The following PRDM10 variants were observed in gnomAD, a reference collection of about 807,000 sequenced individuals.
PRDM10 encodes the protein PR domain zinc finger protein 10.
PRDM10 carries 65 observed loss-of-function variants against 133.1 expected under a neutral mutation model. That is an observed-to-expected ratio of 0.49 (90% CI 0.40 to 0.60). The LOEUF is 0.60. Among genes scored for constraint, PRDM10 ranks in the 20% least tolerant of loss-of-function variants. The pLI is 0.00. For missense variants in PRDM10, 1,137 were observed against 1,507.1 expected (o/e 0.75, Z 4.07); for synonymous variants, 582 against 580.4 (o/e 1.00, Z -0.04).
At chr11:129,920,534 G>A (rs1043019494) in intron 13 of PRDM10, among the ~76,000 whole-genome samples, 2 of 152,042 alleles carry the variant, frequency 1.3e-5, no homozygotes, top group African/African-American at 2.4e-5. Flanking sequence ...TGAAACGCTG[G>A]TAAGTCTAAT....
chr11:129,928,571 T>C (rs1950756340), intron 11 of PRDM10, among the ~76,000 whole-genome samples: 1 of 152,018 alleles, frequency 6.6e-6, no homozygotes, highest in Admixed American at 6.6e-5. Context: ...TTGTATTTTT[T>C]TTTAGTAGAG....
At chr11:129,928,098 AGTTTAGGGGGTTT>A (rs1565468647) in intron 11 of PRDM10, among the ~76,000 whole-genome samples, 1 of 152,126 alleles carries the variant, frequency 6.6e-6, no homozygotes, top group East Asian at 1.9e-4. Context: ...ATGTTTCTAA[AGTTTAGGGGGTTT>A]GTTTGTTTTT....
intron 11 of PRDM10, 47 bp from the exon 12 acceptor site, chr11:129,925,276 T>G (rs1157894870): frequency 1.3e-6 from 2 of 1,501,422 alleles, no homozygotes; most frequent in South Asian, 1.3e-5. Flanking sequence ...AAATTAAGAG[T>G]GCAACTGGAT....
intron 8 of PRDM10, among the ~76,000 whole-genome samples, chr11:129,936,104 C>T (rs1951020260): frequency 6.6e-6 from 1 of 152,076 alleles, no homozygotes; most frequent in South Asian, 2.1e-4. Flanking sequence ...TCAGTCATGC[C>T]TACGTAATGA....
Position 129,957,762 on chromosome 11 carries a change from G to A in PRDM10, c.218C>T (p.Pro73Leu), listed in dbSNP as rs1322710257. The A allele has an allele frequency of 5.0e-6, 8 of 1,612,102 alleles. No individual in the cohort carries two copies. The highest frequency in any genetic ancestry group is 5.9e-6 in the Non-Finnish European group (7 of 1,178,756). Reference protein sequence around the residue: ...GPEHTLVYIHPVEAAQTLFTD... With the variant: ...GPEHTLVYIHLVEAAQTLFTD... ...TTCACATGCCTGTGCAGCTTCCACCGGGTGGATGTACACCAGCGTGTGCTC... is the reference window on the plus strand; with the variant it reads ...TTCACATGCCTGTGCAGCTTCCACCAGGTGGATGTACACCAGCGTGTGCTC... The change falls in exon 3 of 21, where the codon CCG becomes CTG. Residue 73 changes from proline to leucine, a missense_variant. Pro to Leu is a moderately conservative substitution (Grantham distance 98). Transcript: ENST00000360871.
Position 129,932,251 on chromosome 11 carries a change from T to C in PRDM10, c.1158-20A>G. The C allele has an allele frequency of 6.2e-7, 1 of 1,612,502 alleles. No individual in the cohort carries two copies. The highest frequency in any genetic ancestry group is 1.3e-5 in the African/African-American group (1 of 74,998). ...CTTGTTCTGGGGACAAGAGATTGGG[T>C]TACAGGTCGTCATGGTTACATAATA... On this transcript the variant is annotated intron_variant, in intron 9 of 20. Transcript: ENST00000360871.
At chr11:129,955,382 G>A in intron 4 of PRDM10, 130 bp downstream of exon 4, 1 of 762,694 alleles carries the variant, frequency 1.3e-6, no homozygotes, top group Non-Finnish European at 2.1e-6. Flanking sequence ...TTTCATTAAA[G>A]GAGCTGGAGA....
At chr11:129,964,351 A>G (rs1466591797) in intron 1 of PRDM10, among the ~76,000 whole-genome samples, 1 of 152,224 alleles carries the variant, frequency 6.6e-6, no homozygotes, top group African/African-American at 2.4e-5. Context: ...TAGTAAATGC[A>G]GCTGGCTCAA....
intron 18 of PRDM10, among the ~76,000 whole-genome samples, chr11:129,911,003 C>T (rs1343097588): frequency 6.6e-6 from 1 of 152,004 alleles, no homozygotes; most frequent in Non-Finnish European, 1.5e-5. Context: ...CTCGAACTCC[C>T]GACCTCAGGT....
In PRDM10 at chr11:129,915,139, A is replaced by G. The variant is rs1950316449; in HGVS notation, c.2527-121T>C. 3 of 982,526 alleles carry G rather than the reference A, an allele frequency of 3.1e-6. No homozygotes were observed. In the South Asian group the frequency reaches 5.3e-5, roughly 17 times the overall value. The allele number at this position is 982,526 out of a possible 1,614,324, so 60.9% of individuals were successfully genotyped here. On this transcript the variant is annotated intron_variant, in intron 16 of 20. Transcript: ENST00000360871. ...TATGTCTTAAAAAAAGAAAAATCAG[A>G]GCAACACTGACTCTATGCCTGTACT...
Position 129,905,680 on chromosome 11 carries a change from C to A in PRDM10, c.3225G>T (p.Val1075=), listed in dbSNP as rs760638710. ...PGQFVITDSG[V]ATPVTTGQVK... Reference sequence around the variant, plus strand: ...CCTGGCCAGTAGTAACTGGAGTTGCCACACCACTGTCTGTAATCACAAACT... The same window carrying A: ...CCTGGCCAGTAGTAACTGGAGTTGCAACACCACTGTCTGTAATCACAAACT... The change falls in exon 20 of 21, where the codon GTG becomes GTT. Residue 1075 remains valine, a synonymous_variant. Transcript: ENST00000360871. The A allele has an allele frequency of 6.2e-7, 1 of 1,614,170 alleles. No homozygotes were observed. The highest frequency in any genetic ancestry group is 8.5e-7 in the Non-Finnish European group (1 of 1,180,012).
At position 129,902,266 on chromosome 11, in the gene PRDM10, G is replaced by A. The variant is rs570578591; in HGVS notation, c.*47C>T. ...TACGTGTCAGAGCTTTCAGACTTAT[G>A]AGAACAGACATGAGGTGGGTGCTGG... is the stretch of plus-strand genomic sequence containing the variant. On this transcript the variant is annotated 3_prime_UTR_variant, in exon 21 of 21. Coordinates refer to ENST00000360871, the MANE Select transcript of PRDM10 (RefSeq NM_199437.2). 6.3e-7 allele frequency: 1 copy of A among 1,589,374 alleles called. No individual in the cohort carries two copies. Among genetic ancestry groups the A allele is most frequent in the African/African-American group, 1.3e-5 (1 of 74,300 alleles).
rs774496086 is a variant in PRDM10, at chr11:129,960,915, T to C, written c.50A>G (p.His17Arg). Residue 17 changes from histidine (H) to arginine (R), a missense_variant, in exon 2 of 21, where the codon CAT becomes CGT. Transcript: ENST00000360871. ...CTTCACCTGTGCGGCATTCTGTTCA[T>C]GCTCTGCAGATGTCGGCCACACATG... ...SSHVWPTSAE[H>R]EQNAAQVHFV... 1.9e-6 allele frequency: 3 copies of C among 1,614,202 alleles called. No individual in the cohort carries two copies. The highest frequency in any genetic ancestry group is 2.5e-6 in the Non-Finnish European group (3 of 1,180,036).
At position 129,918,970 on chromosome 11, in the gene PRDM10, T is replaced by C. The variant is rs1426911608; in HGVS notation, c.2035-252A>G. The stretch of plus-strand genomic sequence containing the variant: ...AATAGGAAAGATACATACCGACTTT[T>C]GAGAATAAAGACTGTGCATTTATGT... On this transcript the variant is annotated intron_variant, in intron 13 of 20. Transcript: ENST00000360871. This position sits in a 1 kb window ranked among gnomAD's most constrained non-coding sequence, Gnocchi z 5.3. 6.6e-6 allele frequency among the ~76,000 whole-genome samples: 1 copy of C among 152,192 alleles called. No individual in the cohort carries two copies. Among genetic ancestry groups the C allele is most frequent in the African/African-American group, 2.4e-5 (1 of 41,434 alleles).
rs542046879 is a variant in PRDM10 at position 129,947,553 on chromosome 11, G to T, written c.295-183C>A. Reference sequence around the variant, plus strand: ...GTGAGGAAGAGCTGGCTTCATTTTTGATCTGACTGCTCACAGCCTTTAAGC... The same window carrying T: ...GTGAGGAAGAGCTGGCTTCATTTTTTATCTGACTGCTCACAGCCTTTAAGC... On this transcript the variant is annotated intron_variant, in intron 4 of 20. Transcript: ENST00000360871. This position sits in a 1 kb window ranked among gnomAD's most constrained non-coding sequence, Gnocchi z 4.6. The T allele has an allele frequency of 6.2e-6, 9 of 1,458,338 alleles. No homozygotes were observed. The highest frequency in any genetic ancestry group is 2.4e-5 in the East Asian group (1 of 41,532). 90.3% of individuals were successfully genotyped at this position (1,458,338 alleles called of 1,614,324 possible). A position where few individuals can be genotyped will look rare whatever the true frequency, so the allele number is the denominator to read the frequency against.
chr11:129,925,183 A>T lies in PRDM10; in HGVS notation c.1577T>A (p.Phe526Tyr). Residue 526 changes from phenylalanine to tyrosine, a missense_variant, in exon 12 of 21, where the codon TTT (phenylalanine) becomes TAT (tyrosine). Physicochemically the swap from Phe to Tyr is conservative, Grantham distance 22. Coordinates refer to ENST00000360871, the MANE Select transcript of PRDM10 (RefSeq NM_199437.2). The part of the protein sequence containing the change: ...HLFIRKSFRP[F>Y]KCLQCGKAFR... ...GGCCTTCCCACACTGCAAGCATTTA[A>T]AAGGCCGGAAGGACTTCCGAATAAA... 6.2e-7 allele frequency: 1 copy of T among 1,613,994 alleles called. No individual in the cohort carries two copies. Among genetic ancestry groups the T allele is most frequent in the South Asian group, 1.1e-5 (1 of 91,046 alleles).
intron 19 of PRDM10, among the ~76,000 whole-genome samples, chr11:129,906,608 G>A (rs1950023532): frequency 6.6e-6 from 1 of 152,190 alleles, no homozygotes; most frequent in South Asian, 2.1e-4. Context: ...TGTACAAACT[G>A]TAACTGAGAG....
chr11:129,994,123 T>A (rs1403572035), intron 1 of PRDM10, among the ~76,000 whole-genome samples: 1 of 152,104 alleles, frequency 6.6e-6, no homozygotes, highest in Non-Finnish European at 1.5e-5. Flanking sequence ...TTGTAAATGA[T>A]GTATAAGTTT....
chr11:129,919,339 C>G (rs1950453515), intron 13 of PRDM10, among the ~76,000 whole-genome samples: 2 of 152,196 alleles, frequency 1.3e-5, no homozygotes, highest in African/African-American at 2.4e-5. Context: ...TGCACTCCAG[C>G]CTGGGCAACA....
Sources: gnomAD v4.1 joint callset for allele counts (sites outside exome capture counted in the v4.1 genomes callset) on GRCh38, gnomAD v4.1.1 for gene constraint, Gnocchi (gnomAD v3.1) non-coding constraint, MANE v1.5 for transcripts, NCBI Gene and HGNC (gene_info 2026-07-23, HGNC 2026-07-21) for gene names.